Variants in NDEL1 observed in about 807,000 individuals in gnomAD.
NDEL1 encodes nuclear distribution protein nudE-like 1.
Under a neutral mutation model 45.7 loss-of-function variants are expected in NDEL1, and 9 were observed. The observed-to-expected ratio is 0.20, with a 90% CI of 0.12 to 0.34. The LOEUF (loss-of-function observed/expected upper bound fraction) is 0.34. NDEL1 is among the 10% of genes least tolerant of loss of function. The pLI, the probability that NDEL1 is intolerant of heterozygous loss-of-function variation, is 1.00. For synonymous variants in NDEL1, 133 were observed against 158.6 expected (o/e 0.84, Z 1.21); for missense variants, 306 against 406.2 (o/e 0.75, Z 2.12).
intron 1 of NDEL1, among the ~76,000 whole-genome samples, chr17:8,441,862 A>G (rs1003281388): frequency 6.0e-5 from 9 of 151,244 alleles, no homozygotes; most frequent in Non-Finnish European, 1.2e-4. Flanking sequence ...CTTCTTTTGT[A>G]CTTGTCTCAG....
intron 2 of NDEL1, 128 bp from the exon 3 acceptor site, chr17:8,445,583 T>C: frequency 1.1e-6 from 1 of 943,288 alleles, no homozygotes; most frequent in Non-Finnish European, 1.5e-6. Flanking sequence ...CAAAACAGAT[T>C]GTCTTTAGTA....
At chr17:8,422,192 T>C (rs1908721425) in intron 1 of NDEL1, among the ~76,000 whole-genome samples, 1 of 152,200 alleles carries the variant, frequency 6.6e-6, no homozygotes, top group Non-Finnish European at 1.5e-5. Context: ...AACTACTTCC[T>C]CTAATATCTT....
At position 8,473,688 on chromosome 17, in the gene NDEL1, C is replaced by T. The variant is rs561688544; in HGVS notation, c.417+13528C>T. ...GCTGCCAAGAAGCCTAGTCATAGAC[C>T]CCTTACCCCCAGAACCAGTCTAACC... On this transcript the variant is annotated intron_variant, in intron 3 of 3. Coordinates refer to the NDEL1 transcript ENST00000581679. 1.1e-3 allele frequency among the ~76,000 whole-genome samples: 169 copies of T among 152,256 alleles called. No individual in the cohort carries two copies. The South Asian group carries it at 0.012, about 11-fold the overall frequency.
intron 5 of NDEL1, among the ~76,000 whole-genome samples, chr17:8,450,375 A>T (rs1435764650): frequency 6.6e-6 from 1 of 152,166 alleles, no homozygotes. Context: ...TAAATATTTC[A>T]TAGTGATAAT....
intron 1 of NDEL1, among the ~76,000 whole-genome samples, chr17:8,417,512 G>C (rs1908572868): frequency 6.6e-6 from 1 of 152,168 alleles, no homozygotes. Flanking sequence ...TATGTTCAAG[G>C]AACTAGAAGC....
chr17:8,465,644 T>A lies in NDEL1; in HGVS notation c.945-1286T>A, dbSNP rs553470308. On this transcript the variant is annotated intron_variant, in intron 8 of 8. Transcript: ENST00000334527. This position sits in a 1 kb window ranked among gnomAD's most constrained non-coding sequence, Gnocchi z 4.9. ...AGGGAGTGTGTGTCGGCATTTTTTT[T>A]TTTTAAGGAGAACCTCTCTCCATGA... 6.6e-6 allele frequency: 1 copy of A among 152,280 alleles called. No homozygotes were observed. The highest frequency in any genetic ancestry group is 1.5e-5 in the Non-Finnish European group (1 of 68,044). 9.4% of individuals were successfully genotyped at this position (152,280 alleles called of 1,614,324 possible). A position where few individuals can be genotyped will look rare whatever the true frequency, so the allele number is the denominator to read the frequency against.
At chr17:8,433,691 T>C (rs1597517494), upstream of NDEL1, among the ~76,000 whole-genome samples, 1 of 152,186 alleles carries the variant, frequency 6.6e-6, no homozygotes, top group Non-Finnish European at 1.5e-5. Flanking sequence ...ATTTATTTTA[T>C]TTTTTTAGAG....
At chr17:8,433,866 A>G (rs974648384), upstream of NDEL1, among the ~76,000 whole-genome samples, 7 of 151,982 alleles carry the variant, frequency 4.6e-5, no homozygotes, top group Non-Finnish European at 7.3e-5. Context: ...CATAATATGC[A>G]TATTATTCAT....
downstream of NDEL1, among the ~76,000 whole-genome samples, chr17:8,470,904 C>T (rs914058619): frequency 2.6e-5 from 4 of 152,182 alleles, no homozygotes; most frequent in East Asian, 1.9e-4. The surrounding 1 kb of genome is among the most constrained non-coding windows in gnomAD (Gnocchi z 4.2). Flanking sequence ...GCAGCTGCCC[C>T]GGAGATGCCA....
intron 7 of NDEL1, among the ~76,000 whole-genome samples, chr17:8,459,262 G>A (rs1331357959): frequency 1.3e-5 from 2 of 152,142 alleles, no homozygotes; most frequent in Non-Finnish European, 2.9e-5. Flanking sequence ...ATGGGAAAGA[G>A]ACAGCTGGTG....
At chr17:8,458,075 T>C (rs2047488) in intron 7 of NDEL1, among the ~76,000 whole-genome samples, 146,953 of 152,286 alleles carry the variant, frequency 0.96, 71,134 homozygotes, top group East Asian at 1. Context: ...GTCCCCTGCT[T>C]ATGCCGCTAA....
At chr17:8,418,819 TCC>T in intron 1 of NDEL1, among the ~76,000 whole-genome samples, 1 of 135,248 alleles carries the variant, frequency 7.4e-6, no homozygotes. Flanking sequence ...TTTTCTTTCT[TCC>T]TCTCTCTCTC....
At chr17:8,464,520 A>G (rs1181848312) in intron 8 of NDEL1, 2 of 152,170 alleles carry the variant, frequency 1.3e-5, no homozygotes, top group African/African-American at 2.4e-5. Context: ...TTTTTGAGTC[A>G]GGAGAGAGGC....
At chr17:8,459,573 A>G (rs546942062) in intron 7 of NDEL1, among the ~76,000 whole-genome samples, 9 of 152,312 alleles carry the variant, frequency 5.9e-5, no homozygotes, top group Admixed American at 5.2e-4. Flanking sequence ...ACCTAGAGAA[A>G]GAATTGGCTG....
At chr17:8,428,363 T>TGTGTGTGTGTGTGTA (rs769560627) in intron 1 of NDEL1, among the ~76,000 whole-genome samples, 3 of 50,954 alleles carry the variant, frequency 5.9e-5, no homozygotes, top group Non-Finnish European at 4.5e-5. Flanking sequence ...TGTGTGTGTA[T>TGTGTGTGTGTGTGTA]TTTTTTTTTT....
In NDEL1 at chr17:8,450,847, T is replaced by C; in HGVS notation, c.594T>C (p.Ser198=). Residue 198 remains serine (S), a synonymous_variant, in exon 6 of 9, where the codon TCT becomes TCC. Transcript: ENST00000334527. The part of the protein sequence containing the change: ...QEVTRKSAPS[S]PTLDCEKMDS... The stretch of plus-strand genomic sequence containing the variant: ...TAACTAGAAAGTCGGCTCCTAGCTC[T>C]CCAACTCTAGACTGTGAAAAGATGG... The C allele has an allele frequency of 1.9e-6, 3 of 1,613,060 alleles. No individual in the cohort carries two copies. The highest frequency in any genetic ancestry group is 2.5e-6 in the Non-Finnish European group (3 of 1,179,622).
chr17:8,420,316 GC>G (rs963409941), intron 1 of NDEL1, among the ~76,000 whole-genome samples: 1 of 152,064 alleles, frequency 6.6e-6, no homozygotes, highest in African/African-American at 2.4e-5. Flanking sequence ...TCAAGAGGCT[GC>G]CCCCCCAAAA....
chr17:8,471,076 A>G, downstream of NDEL1, among the ~76,000 whole-genome samples: 1 of 152,210 alleles, frequency 6.6e-6, no homozygotes, highest in East Asian at 1.9e-4. Flanking sequence ...GTGATACAGC[A>G]TTCCTGAAAA....
intron 1 of NDEL1, among the ~76,000 whole-genome samples, chr17:8,424,562 C>T (rs4791314): frequency 0.39 from 59,625 of 152,186 alleles, 11,872 homozygotes; most frequent in Non-Finnish European, 0.41. Context: ...AGCGCAGTGG[C>T]GCGATCTCAG....
Sources: gnomAD v4.1 joint callset for allele counts (sites outside exome capture counted in the v4.1 genomes callset) on GRCh38, gnomAD v4.1.1 for gene constraint, Gnocchi (gnomAD v3.1) non-coding constraint, MANE v1.5 for transcripts, NCBI Gene and HGNC (gene_info 2026-07-23, HGNC 2026-07-21) for gene names.